Variants in MYCBP2 observed in about 807,000 individuals in gnomAD.
The protein encoded by MYCBP2 is E3 ubiquitin-protein ligase MYCBP2.
In MYCBP2, 120 loss-of-function variants were observed where a neutral mutation model predicts 525.3. The ratio of observed to expected loss-of-function variants is 0.23; its 90% CI spans 0.20 to 0.27. The LOEUF (loss-of-function observed/expected upper bound fraction) is 0.27, where lower values mean the gene tolerates loss of function less well. Among genes scored for constraint, MYCBP2 ranks in the 10% least tolerant of loss-of-function variants. The pLI, the probability that MYCBP2 is intolerant of heterozygous loss-of-function variation, is 1.00. For synonymous variants in MYCBP2, 1,894 were observed against 1,955.8 expected, an observed-to-expected ratio of 0.97 and a Z score of 0.83; for missense variants, 4,149 against 5,657.1, an observed-to-expected ratio of 0.73 and a Z score of 8.55.
At chr13:77,188,766 C>T (rs941067721) in intron 30 of MYCBP2, among the ~76,000 whole-genome samples, 185 bp downstream of exon 30, 1 of 152,184 alleles carries the variant, frequency 6.6e-6, no homozygotes, top group African/African-American at 2.4e-5. Context: ...TAGGCCAACA[C>T]CTCCATTTTT....
rs140449422 is a variant in MYCBP2, at chr13:77,076,835, G to C, written c.11739C>G (p.Leu3913=). 4.5e-5 allele frequency: 72 copies of C among 1,611,824 alleles called. No homozygotes were observed. In the African/African-American group the frequency reaches 8.4e-4, roughly 19 times the overall value. Reference sequence around the variant, plus strand: ...GTGTAGGTTCAGCATCTCCAGAGATGAGCTTTCCAAATACCTGATGAAGAT... The same window carrying C: ...GTGTAGGTTCAGCATCTCCAGAGATCAGCTTTCCAAATACCTGATGAAGAT... ...RLITSQVFGK[L]ISGDAEPTPE... The change falls in exon 68 of 83, where the codon CTC becomes CTG. Residue 3913 remains leucine, a synonymous_variant. Coordinates refer to ENST00000544440, the MANE Select transcript of MYCBP2 (RefSeq NM_015057.5).
chr13:77,056,329 TAA>T (rs1245910768), intron 79 of MYCBP2, among the ~76,000 whole-genome samples: 1 of 152,204 alleles, frequency 6.6e-6, no homozygotes, highest in African/African-American at 2.4e-5. Flanking sequence ...ATGATTGTGC[TAA>T]GTCTTTCCAC....
intron 33 of MYCBP2, 29 bp downstream of exon 33, chr13:77,181,672 T>A: frequency 6.3e-7 from 1 of 1,583,272 alleles, no homozygotes; most frequent in Non-Finnish European, 8.7e-7. Context: ...TTAGTGCCTC[T>A]GTATAAAAGA....
intron 55 of MYCBP2, among the ~76,000 whole-genome samples, chr13:77,119,809 T>C (rs1045374887): frequency 2.0e-5 from 3 of 152,142 alleles, no homozygotes; most frequent in African/African-American, 7.2e-5. Flanking sequence ...ACTACATCCT[T>C]AAACTCCTGG....
intron 10 of MYCBP2, 98 bp downstream of exon 10, chr13:77,263,553 C>A: frequency 1.0e-6 from 1 of 987,248 alleles, no homozygotes; most frequent in Non-Finnish European, 1.5e-6. Context: ...ATAGCTGCTA[C>A]AACATAAGCT....
intron 3 of MYCBP2, among the ~76,000 whole-genome samples, chr13:77,279,952 C>CT (rs2076018778): frequency 6.6e-6 from 1 of 152,148 alleles, no homozygotes; most frequent in South Asian, 2.1e-4. Context: ...TCTTAAACGG[C>CT]TTGTATTATC....
chr13:77,122,039 T>C (rs2050800039), intron 54 of MYCBP2, among the ~76,000 whole-genome samples: 1 of 152,040 alleles, frequency 6.6e-6, no homozygotes, highest in South Asian at 2.1e-4. Flanking sequence ...AATAGAAGGA[T>C]AATAATAAAC....
At chr13:77,311,765 A>G (rs2080262828) in intron 1 of MYCBP2, among the ~76,000 whole-genome samples, 1 of 152,060 alleles carries the variant, frequency 6.6e-6, no homozygotes, top group Non-Finnish European at 1.5e-5. Context: ...CTGAACAGTT[A>G]GAGGCCTGTG....
intron 52 of MYCBP2, among the ~76,000 whole-genome samples, chr13:77,133,439 A>C (rs1044592669): frequency 1.3e-5 from 2 of 152,244 alleles, no homozygotes; most frequent in African/African-American, 4.8e-5. Flanking sequence ...CTATGAGCAA[A>C]GTGTAATTTT....
chr13:77,169,748 G>A, intron 38 of MYCBP2, 34 bp from the exon 39 acceptor site: 3 of 1,532,588 alleles, frequency 2.0e-6, no homozygotes, highest in East Asian at 2.3e-5. Flanking sequence ...TAAAACTATA[G>A]TCAGAAGGTA....
intron 1 of MYCBP2, among the ~76,000 whole-genome samples, chr13:77,302,057 G>A (rs911014411): frequency 6.6e-5 from 10 of 152,102 alleles, no homozygotes; most frequent in African/African-American, 2.2e-4. Context: ...AACGAGACAT[G>A]TGGGACAAAG....
At chr13:77,050,716 T>C (rs574710422) in intron 82 of MYCBP2, among the ~76,000 whole-genome samples, 11 of 152,196 alleles carry the variant, frequency 7.2e-5, no homozygotes, top group Admixed American at 3.3e-4. Context: ...CATATGACTT[T>C]TTAGTGCTGA....
At chr13:77,153,806 C>G (rs1178800295) in intron 46 of MYCBP2, among the ~76,000 whole-genome samples, 1 of 151,768 alleles carries the variant, frequency 6.6e-6, no homozygotes, top group East Asian at 1.9e-4. Context: ...TCCTATGTAC[C>G]CTTCACTCAG....
intron 59 of MYCBP2, among the ~76,000 whole-genome samples, chr13:77,092,081 G>GAAAA (rs5804892): frequency 1.4e-5 from 2 of 144,540 alleles, no homozygotes; most frequent in Non-Finnish European, 1.5e-5. Flanking sequence ...TATTTTTAAT[G>GAAAA]AAAAAAAAAA....
At chr13:77,144,028 C>T (rs753671923) in intron 49 of MYCBP2, 4 of 188,896 alleles carry the variant, frequency 2.1e-5, no homozygotes, top group African/African-American at 7.1e-5. Flanking sequence ...ACACAATGAT[C>T]GATTTAAAAA....
At chr13:77,069,556 G>A (rs1226129632) in intron 69 of MYCBP2, among the ~76,000 whole-genome samples, 2 of 151,552 alleles carry the variant, frequency 1.3e-5, no homozygotes, top group Non-Finnish European at 2.9e-5. Flanking sequence ...TGGCTAACAC[G>A]GTGAAACCCC....
chr13:77,167,627 T>C (rs1158868011), intron 40 of MYCBP2, among the ~76,000 whole-genome samples: 3 of 152,214 alleles, frequency 2.0e-5, no homozygotes, highest in African/African-American at 7.2e-5. Context: ...TTTGCAGACA[T>C]TAAATTGTTT....
rs1214950777 is a variant in MYCBP2 at position 77,070,733 on chromosome 13, A to C, written c.11824-22T>G. On this transcript the variant is annotated intron_variant, in intron 68 of 82. Coordinates refer to ENST00000544440, the MANE Select transcript of MYCBP2 (RefSeq NM_015057.5). ...TTGCCTTTACATAGAAAAAGAAAAA[A>C]AAAAAAAAGAATGAAGTGGTCTCTT... 4.0e-6 allele frequency: 6 copies of C among 1,514,624 alleles called. No individual in the cohort carries two copies. The Admixed American group carries it at 1.2e-4, about 29-fold the overall frequency. The allele number at this position is 1,514,624 out of a possible 1,614,324, so 93.8% of individuals were successfully genotyped here.
In MYCBP2 at chr13:77,267,871, G is replaced by A; in HGVS notation, c.1327C>T (p.Leu443=). 6.2e-7 allele frequency: 1 copy of A among 1,613,714 alleles called. No individual in the cohort carries two copies. Among genetic ancestry groups the A allele is most frequent in the Non-Finnish European group, 8.5e-7 (1 of 1,179,776 alleles). Residue 443 remains leucine (L), a synonymous_variant, in exon 8 of 83, where the codon CTG becomes TTG. Transcript: ENST00000544440. ...AACATCACAGTACCATCTTGCTCCA[G>A]TGTTTCAGGGCTTATCCTTATGGCT... ...MTAIRISPET[L]EQDGTVMLPD...
Sources: allele counts gnomAD v4.1 joint callset (sites outside exome capture counted in the v4.1 genomes callset), GRCh38; gene constraint gnomAD v4.1.1; transcripts MANE v1.5; gene names NCBI Gene and HGNC (gene_info 2026-07-23, HGNC 2026-07-21).